Variants in MIEN1 observed in about 807,000 individuals in gnomAD.
MIEN1 encodes the protein HBV X-transactivated gene 4 protein.
MIEN1 carries 12 observed loss-of-function variants against 15.5 expected under a neutral mutation model. The observed-to-expected ratio is 0.78, with a 90% confidence interval of 0.50 to 1.26. The LOEUF is 1.26. Among genes scored for constraint, MIEN1 ranks in the 50% most tolerant of loss-of-function variants. The pLI is 0.00. For missense variants in MIEN1, 160 were observed against 151.7 expected, an observed-to-expected ratio of 1.05 and a Z score of -0.29; for synonymous variants, 63 against 62.8, an observed-to-expected ratio of 1.00 and a Z score of -0.02.
rs576000121 is a variant in MIEN1, at chr17:39,729,219, A to G, written c.*303T>C. 6.7e-6 allele frequency: 3 copies of G among 447,804 alleles called. No homozygotes were observed. Among genetic ancestry groups the G allele is most frequent in the South Asian group, 5.6e-5 (2 of 35,488 alleles). 27.7% of individuals were successfully genotyped at this position (447,804 alleles called of 1,614,324 possible). A position where few individuals can be genotyped will look rare whatever the true frequency, so the allele number is the denominator to read the frequency against. ...ATTGCCCTGGGTTAGGGGAGAATAA[A>G]TAAAATCTGTGGCATCAGACAGGTA... On this transcript the variant is annotated 3_prime_UTR_variant, in exon 4 of 4. Transcript: ENST00000394231.
In MIEN1 at chr17:39,730,503, G is replaced by A. The variant is rs1196670989; in HGVS notation, c.-8C>T. 3 of 1,529,668 alleles carry A rather than the reference G, an allele frequency of 2.0e-6. No homozygotes were observed. The highest frequency in any genetic ancestry group is 2.6e-6 in the Non-Finnish European group (3 of 1,143,384). 94.8% of individuals were successfully genotyped at this position (1,529,668 alleles called of 1,614,324 possible). ...CCCCGGCTCCCCGCTCATCGCGGCC[G>A]GCTCCGCTCGGGCCCCTGCTTCCGG... On this transcript the variant is annotated 5_prime_UTR_variant, in exon 1 of 4. Transcript: ENST00000394231.
At chr17:39,730,038 C>T (rs1378615238) in intron 2 of MIEN1, 156 bp downstream of exon 2, 3 of 778,234 alleles carry the variant, frequency 3.9e-6, no homozygotes, top group Admixed American at 4.7e-5. Flanking sequence ...TGTGACACCC[C>T]CTGACCTATG....
chr17:39,730,286 G>A lies in MIEN1; in HGVS notation c.95C>T (p.Pro32Leu). 1 of 1,605,394 alleles carries A rather than the reference G, an allele frequency of 6.2e-7. No individual in the cohort carries two copies. Among genetic ancestry groups the A allele is most frequent in the Non-Finnish European group, 8.5e-7 (1 of 1,177,884 alleles). Residue 32 changes from proline (P) to leucine (L), a missense_variant, in exon 2 of 4, where the codon CCC becomes CTC. Pro to Leu is a moderately conservative substitution (Grantham distance 98, BLOSUM62 -3). Transcript: ENST00000394231. Reference sequence around the variant, plus strand: ...CAGGTAGGTCGCCTCGAAGCCGCAGGGTTCACTGGGGAGTCAAGAGATGGG... The same window carrying A: ...CAGGTAGGTCGCCTCGAAGCCGCAGAGTTCACTGGGGAGTCAAGAGATGGG... ...GVRIVVEYCE[P>L]CGFEATYLEL...
rs2059918751 is a variant in MIEN1, at chr17:39,729,303, G to A, written c.*219C>T. The A allele has an allele frequency of 1.7e-6, 1 of 595,836 alleles. No homozygotes were observed. The highest frequency in any genetic ancestry group is 2.8e-5 in the East Asian group (1 of 35,594). 36.9% of individuals were successfully genotyped at this position (595,836 alleles called of 1,614,324 possible). ...GGCACTTACCCTGGGAAGGGGGTAT[G>A]AGGTGGCTGGAGAAGTGTTCATGGA... On this transcript the variant is annotated 3_prime_UTR_variant, in exon 4 of 4. Transcript: ENST00000394231.
In MIEN1 at chr17:39,729,729, C is replaced by T. The variant is rs752716522; in HGVS notation, c.220G>A (p.Val74Met). 2.5e-6 allele frequency: 4 copies of T among 1,614,092 alleles called. No individual in the cohort carries two copies. Among genetic ancestry groups the T allele is most frequent in the Non-Finnish European group, 2.5e-6 (3 of 1,179,954 alleles). Residue 74 changes from valine (V) to methionine (M), a missense_variant, in exon 3 of 4, where the codon GTG becomes ATG. Val to Met is a conservative substitution (Grantham distance 21). Coordinates refer to ENST00000394231, the MANE Select transcript of MIEN1 (RefSeq NM_032339.5). ...CCCCCATTCTCCAGCTTGGAGAACA[C>T]CAGCTGTCCATTTATCTCTATCTCA... ...AFEIEINGQL[V>M]FSKLENGGFP...
Position 39,729,389 on chromosome 17 carries a change from G to A in MIEN1, c.*133C>T. The A allele has an allele frequency of 8.9e-7, 1 of 1,122,146 alleles. No homozygotes were observed. The allele number at this position is 1,122,146 out of a possible 1,614,324, so 69.5% of individuals were successfully genotyped here. On this transcript the variant is annotated 3_prime_UTR_variant, in exon 4 of 4. Coordinates refer to ENST00000394231, the MANE Select transcript of MIEN1 (RefSeq NM_032339.5). ...TTCTATTCCTTCTTTGTACCCAAAG[G>A]GCAAAGTGGAGGCCAGGGTCTCTTT...
Position 39,730,476 on chromosome 17 carries a change from T to C in MIEN1, c.20A>G (p.Gln7Arg), listed in dbSNP as rs373949353. MSGEPG[Q>R]TSVAPPPEEV... ...CTCGGGAGGGGGCGCTACGGACGTC[T>C]GCCCCGGCTCCCCGCTCATCGCGGC... The change falls in exon 1 of 4, where the codon CAG becomes CGG. Residue 7 changes from glutamine to arginine, a missense_variant. Coordinates refer to ENST00000394231, the MANE Select transcript of MIEN1 (RefSeq NM_032339.5). The C allele has an allele frequency of 2.3e-4, 360 of 1,539,032 alleles. 1 individual carries two copies. Among genetic ancestry groups the C allele is most frequent in the Middle Eastern group, 2.1e-4 (1 of 4,722 alleles).
rs1436271535 is a variant in MIEN1 at position 39,730,316 on chromosome 17, G to C, written c.90-25C>G. 5 of 1,587,456 alleles carry C rather than the reference G, an allele frequency of 3.1e-6. No homozygotes were observed. The East Asian group carries it at 1.1e-4, about 36-fold the overall frequency. On this transcript the variant is annotated intron_variant, in intron 1 of 3. Coordinates refer to ENST00000394231, the MANE Select transcript of MIEN1 (RefSeq NM_032339.5). ...ACTGGGGAGTCAAGAGATGGGGCTG[G>C]GCTGGGGATTCGGGGGTGGGGCCTC...
At chr17:39,730,115 A>C in intron 2 of MIEN1, 79 bp downstream of exon 2, 1 of 1,358,556 alleles carries the variant, frequency 7.4e-7, no homozygotes, top group Non-Finnish European at 1.0e-6. Flanking sequence ...TACATAAAGC[A>C]GCCAATGTCA....
rs769521085 is a variant in MIEN1, at chr17:39,729,669, C to G, written c.264+16G>C. ...TAGGGTGACCAAGAGGTCCTCCCAA[C>G]GCTGTAAATACTCACATCTTTCTCA... On this transcript the variant is annotated intron_variant, in intron 3 of 3. Coordinates refer to ENST00000394231, the MANE Select transcript of MIEN1 (RefSeq NM_032339.5). The G allele has an allele frequency of 6.2e-6, 10 of 1,614,040 alleles. No homozygotes were observed. The highest frequency in any genetic ancestry group is 8.5e-6 in the Non-Finnish European group (10 of 1,180,018).
chr17:39,730,085 G>T, intron 2 of MIEN1, 109 bp downstream of exon 2: 2 of 1,059,546 alleles, frequency 1.9e-6, no homozygotes, highest in South Asian at 1.4e-5. Context: ...TTTACCATGT[G>T]CCAGGCACTG....
rs1458755523 is a variant in MIEN1 at position 39,729,415 on chromosome 17, G to A, written c.*107C>T. ...GCAAAGTGGAGGCCAGGGTCTCTTTGCTAAGGAGCTAAGTAGGGGAAAGAG... is the reference window on the plus strand; with the variant it reads ...GCAAAGTGGAGGCCAGGGTCTCTTTACTAAGGAGCTAAGTAGGGGAAAGAG... On this transcript the variant is annotated 3_prime_UTR_variant, in exon 4 of 4. Transcript: ENST00000394231. The A allele has an allele frequency of 3.5e-6, 5 of 1,418,244 alleles. No homozygotes were observed. Among genetic ancestry groups the A allele is most frequent in the Non-Finnish European group, 4.9e-6 (5 of 1,025,672 alleles). 87.9% of individuals were successfully genotyped at this position (1,418,244 alleles called of 1,614,324 possible). A position where few individuals can be genotyped will look rare whatever the true frequency, so the allele number is the denominator to read the frequency against.
intron 2 of MIEN1, 142 bp from the exon 3 acceptor site, chr17:39,729,903 C>G (rs2059925951): frequency 9.1e-7 from 1 of 1,098,672 alleles, no homozygotes; most frequent in Admixed American, 2.3e-5. Context: ...TTCCCCAACC[C>G]TGGGTCAACT....
chr17:39,729,530 T>G lies in MIEN1; in HGVS notation c.340A>C (p.Ile114Leu). ...KITNSRPPCVIL is the reference protein window; with the variant it reads ...KITNSRPPCVLL ...CCCAGAGTCCTGTGCAGTCACAGGA[T>G]GACGCAGGGAGGACGGCTGTTGGTG... The change falls in exon 4 of 4, where the codon ATC becomes CTC. Residue 114 changes from isoleucine (I) to leucine (L), a missense_variant. Physicochemically the swap from Ile to Leu is conservative, Grantham distance 5. Coordinates refer to ENST00000394231, the MANE Select transcript of MIEN1 (RefSeq NM_032339.5). 6.2e-7 allele frequency: 1 copy of G among 1,613,674 alleles called. No homozygotes were observed.
At position 39,729,528 on chromosome 17, in the gene MIEN1, G is replaced by C; in HGVS notation, c.342C>G (p.Ile114Met). Residue 114 changes from isoleucine (I) to methionine (M), a missense_variant, in exon 4 of 4, where the codon ATC becomes ATG. Transcript: ENST00000394231. Reference sequence around the variant, plus strand: ...AACCCAGAGTCCTGTGCAGTCACAGGATGACGCAGGGAGGACGGCTGTTGG... The same window carrying C: ...AACCCAGAGTCCTGTGCAGTCACAGCATGACGCAGGGAGGACGGCTGTTGG... The part of the protein sequence containing the change: ...KITNSRPPCV[I>M]L 1.2e-6 allele frequency: 2 copies of C among 1,613,746 alleles called. No individual in the cohort carries two copies. Among genetic ancestry groups the C allele is most frequent in the East Asian group, 4.5e-5 (2 of 44,866 alleles).
Position 39,730,104 on chromosome 17 carries a change from TTACA to T in MIEN1, c.187+86_187+89del, listed in dbSNP as rs574795547. The T allele has an allele frequency of 6.3e-3, 8,164 of 1,287,980 alleles. 45 individuals carry two copies. Among genetic ancestry groups the T allele is most frequent in the Non-Finnish European group, 7.8e-3 (7,158 of 922,960 alleles). The allele number at this position is 1,287,980 out of a possible 1,614,324, so 79.8% of individuals were successfully genotyped here. ...CCATGTGCCAGGCACTGCGGGCACT[TTACA>T]TAAAGCAGCCAATGTCAGAACTAGA... is the stretch of plus-strand genomic sequence containing the variant. On this transcript the variant is annotated intron_variant, in intron 2 of 3. Coordinates refer to ENST00000394231, the MANE Select transcript of MIEN1 (RefSeq NM_032339.5).
chr17:39,729,493 A>G lies in MIEN1; in HGVS notation c.*29T>C. 2 of 1,612,768 alleles carry G rather than the reference A, an allele frequency of 1.2e-6. No individual in the cohort carries two copies. The highest frequency in any genetic ancestry group is 2.2e-5 in the South Asian group (2 of 91,022). ...GGGAGACCAAGGTTTGGACCCCAGA[A>G]CAGAGCAGGAACCCAGAGTCCTGTG... On this transcript the variant is annotated 3_prime_UTR_variant, in exon 4 of 4. Transcript: ENST00000394231.
Position 39,729,545 on chromosome 17 carries a change from G to A in MIEN1, c.325C>T (p.Arg109Cys), listed in dbSNP as rs367609706. Residue 109 changes from arginine to cysteine, a missense_variant, in exon 4 of 4, where the codon CGT (arginine) becomes TGT (cysteine). Arg to Cys is a radical substitution (Grantham distance 180). Transcript: ENST00000394231. Reference sequence around the variant, plus strand: ...AGTCACAGGATGACGCAGGGAGGACGGCTGTTGGTGATCTTTTCTAGGGTT... The same window carrying A: ...AGTCACAGGATGACGCAGGGAGGACAGCTGTTGGTGATCTTTTCTAGGGTT... ...GETLEKITNS[R>C]PPCVIL The A allele has an allele frequency of 3.1e-5, 50 of 1,613,830 alleles. No homozygotes were observed. Among genetic ancestry groups the A allele is most frequent in the Non-Finnish European group, 3.6e-5 (42 of 1,180,032 alleles).
chr17:39,729,680 C>T lies in MIEN1; in HGVS notation c.264+5G>A. 1 of 1,614,104 alleles carries T rather than the reference C, an allele frequency of 6.2e-7. No individual in the cohort carries two copies. The highest frequency in any genetic ancestry group is 1.1e-5 in the South Asian group (1 of 91,086). ...AGAGGTCCTCCCAACGCTGTAAATA[C>T]TCACATCTTTCTCATAGGGAAAGCC... is the stretch of plus-strand genomic sequence containing the variant. On this transcript the variant is annotated splice_donor_5th_base_variant and intron_variant, in intron 3 of 3. Transcript: ENST00000394231.
Sources: allele counts gnomAD v4.1 joint callset, GRCh38; gene constraint gnomAD v4.1.1; transcripts MANE v1.5; gene names NCBI Gene and HGNC (gene_info 2026-07-23, HGNC 2026-07-21).